The following DHX35 variants were observed in gnomAD, a reference collection of about 807,000 sequenced individuals.
DHX35 encodes probable ATP-dependent RNA helicase DHX35.
Under a neutral mutation model 99.6 loss-of-function variants are expected in DHX35, and 84 were observed. The observed-to-expected ratio is 0.84, with a 90% confidence interval of 0.71 to 1.01. DHX35 has a LOEUF of 1.01. Among genes scored for constraint, DHX35 ranks in the 50% least tolerant of loss-of-function variants. The pLI is 0.00. For missense variants in DHX35, 852 were observed against 888.5 expected (o/e 0.96, Z 0.52); for synonymous variants, 331 against 316.2 (o/e 1.05, Z -0.50).
chr20:39,002,325 A>G (rs2086534136), intron 9 of DHX35, among the ~76,000 whole-genome samples: 1 of 152,252 alleles, frequency 6.6e-6, no homozygotes, highest in South Asian at 2.1e-4. Context: ...CCAGTGGCTG[A>G]TAAATCCAGA....
At chr20:39,023,594 C>A in intron 16 of DHX35, 96 bp from the exon 17 acceptor site, 1 of 1,162,794 alleles carries the variant, frequency 8.6e-7, no homozygotes, top group Non-Finnish European at 1.3e-6. Flanking sequence ...TTCAGGCAAT[C>A]CTCCCACCTT....
intron 11 of DHX35, among the ~76,000 whole-genome samples, chr20:39,004,342 G>A: frequency 6.6e-6 from 1 of 152,206 alleles, no homozygotes; most frequent in Non-Finnish European, 1.5e-5. Flanking sequence ...TGGGATTACA[G>A]GCGTCAGCCA....
At chr20:38,980,721 T>C (rs1341851099) in intron 3 of DHX35, among the ~76,000 whole-genome samples, 1 of 152,226 alleles carries the variant, frequency 6.6e-6, no homozygotes, top group African/African-American at 2.4e-5. Context: ...TCCCTTATAC[T>C]CTTCACTACT....
intron 18 of DHX35, among the ~76,000 whole-genome samples, chr20:39,028,123 G>T (rs2086986813): frequency 1.3e-5 from 2 of 152,210 alleles, no homozygotes; most frequent in Non-Finnish European, 2.9e-5. Flanking sequence ...TTAGGTTCTG[G>T]TGCCCAGCCA....
In DHX35 at chr20:38,986,548, G is replaced by GTA. The variant is rs565067311; in HGVS notation, c.346-2257_346-2256dup. 3.9e-5 allele frequency among the ~76,000 whole-genome samples: 6 copies of GTA among 152,174 alleles called. No individual in the cohort carries two copies. In the South Asian group the frequency reaches 6.2e-4, roughly 16 times the overall value. ...AAATTTTTGTGGGTACATCGTAGGT[G>GTA]TATATATATTTATGTATGCTCATTC... On this transcript the variant is annotated intron_variant, in intron 4 of 21. Transcript: ENST00000252011.
chr20:39,032,280 T>C (rs1277730784), intron 20 of DHX35, among the ~76,000 whole-genome samples: 3 of 152,208 alleles, frequency 2.0e-5, no homozygotes, highest in Admixed American at 1.3e-4. Context: ...CAAGTGATTC[T>C]CCTGCCTCAG....
intron 9 of DHX35, 125 bp downstream of exon 9, chr20:39,001,967 A>G (rs2086527829): frequency 5.0e-6 from 4 of 798,226 alleles, no homozygotes; most frequent in East Asian, 2.4e-5. Flanking sequence ...GTCCCTAGTC[A>G]TTGGTCTAGA....
At chr20:39,015,335 G>A (rs1413564286) in intron 14 of DHX35, among the ~76,000 whole-genome samples, 2 of 152,122 alleles carry the variant, frequency 1.3e-5, no homozygotes, top group Non-Finnish European at 2.9e-5. Flanking sequence ...TTTCATTCCT[G>A]GAGTTGCTTG....
At chr20:38,985,785 A>C (rs1421953902) in intron 4 of DHX35, among the ~76,000 whole-genome samples, 2 of 152,252 alleles carry the variant, frequency 1.3e-5, no homozygotes, top group Non-Finnish European at 2.9e-5. Context: ...AACTTCCATG[A>C]AACCACAGCT....
intron 11 of DHX35, among the ~76,000 whole-genome samples, chr20:39,004,672 G>C (rs1049090410): frequency 6.6e-6 from 1 of 152,250 alleles, no homozygotes; most frequent in Non-Finnish European, 1.5e-5. Flanking sequence ...GAAGGGTGTG[G>C]TGGAAAGCAT....
In DHX35 at chr20:39,006,084, C is replaced by A. The variant is rs953422791; in HGVS notation, c.1012-62C>A. Reference sequence around the variant, plus strand: ...AATGTTAAATCTTTTAGGATTTTTACGAGTTTGTTAAAAGCAAAAAGAATA... The same window carrying A: ...AATGTTAAATCTTTTAGGATTTTTAAGAGTTTGTTAAAAGCAAAAAGAATA... On this transcript the variant is annotated intron_variant, in intron 11 of 21. Transcript: ENST00000252011. 5 of 1,548,164 alleles carry A rather than the reference C, an allele frequency of 3.2e-6. No individual in the cohort carries two copies. The Middle Eastern group carries it at 6.8e-4, about 211-fold the overall frequency.
At chr20:38,965,090 C>G (rs1458507098) in intron 1 of DHX35, among the ~76,000 whole-genome samples, 1 of 131,910 alleles carries the variant, frequency 7.6e-6, no homozygotes, top group African/African-American at 3.0e-5. Context: ...GCCTAGGAGC[C>G]AGGCATCAGT....
Position 38,985,479 on chromosome 20 carries a change from G to A in DHX35, c.345+1703G>A, listed in dbSNP as rs147693995. 1.6e-3 allele frequency among the ~76,000 whole-genome samples: 235 copies of A among 147,494 alleles called. 1 individual carries two copies. Among genetic ancestry groups the A allele is most frequent in the East Asian group, 8.6e-3 (43 of 4,998 alleles). ...AATTCTATTTCCCCAAGTTATTTTTGTTCTGTACTGAGTTTTAATTATTGT... is the reference window on the plus strand; with the variant it reads ...AATTCTATTTCCCCAAGTTATTTTTATTCTGTACTGAGTTTTAATTATTGT... On this transcript the variant is annotated intron_variant, in intron 4 of 21. Transcript: ENST00000252011.
intron 3 of DHX35, among the ~76,000 whole-genome samples, chr20:38,974,100 A>T (rs1354960244): frequency 6.6e-6 from 1 of 152,214 alleles, no homozygotes; most frequent in Non-Finnish European, 1.5e-5. Flanking sequence ...CAACTTTAGT[A>T]AATAATGTCT....
At chr20:39,015,135 G>T (rs550700624) in intron 14 of DHX35, among the ~76,000 whole-genome samples, 2 of 152,278 alleles carry the variant, frequency 1.3e-5, no homozygotes, top group Non-Finnish European at 2.9e-5. Flanking sequence ...ATGACAGCCA[G>T]TATATAAAAC....
At chr20:39,020,938 C>T (rs1323271145) in intron 15 of DHX35, among the ~76,000 whole-genome samples, 1 of 152,114 alleles carries the variant, frequency 6.6e-6, no homozygotes, top group African/African-American at 2.4e-5. Flanking sequence ...GCTGGGATTA[C>T]AGGTGTGAGC....
chr20:39,003,447 A>G (rs757386226), intron 10 of DHX35, among the ~76,000 whole-genome samples: 2 of 152,192 alleles, frequency 1.3e-5, no homozygotes, highest in African/African-American at 2.4e-5. Flanking sequence ...CTTGTTTGAC[A>G]CCGTATATGT....
At chr20:39,016,427 A>G (rs1237564993) in intron 14 of DHX35, among the ~76,000 whole-genome samples, 2 of 152,212 alleles carry the variant, frequency 1.3e-5, no homozygotes, top group African/African-American at 4.8e-5. Flanking sequence ...TTCATTTAGT[A>G]TCATGTTTCA....
At chr20:38,978,434 A>T in intron 3 of DHX35, 1 of 619,628 alleles carries the variant, frequency 1.6e-6, no homozygotes, top group South Asian at 1.7e-5. Context: ...GGGTGGTGGC[A>T]CGTACTTAGG....
Sources: allele counts gnomAD v4.1 joint callset (sites outside exome capture counted in the v4.1 genomes callset), GRCh38; gene constraint gnomAD v4.1.1; transcripts MANE v1.5; gene names NCBI Gene and HGNC (gene_info 2026-07-23, HGNC 2026-07-21).